Variants in RNF14 observed in about 807,000 individuals in gnomAD.
The protein encoded by RNF14 is ring finger protein 14, also known as E3 ubiquitin-protein ligase RNF14.
A neutral mutation model predicts 52.6 loss-of-function variants in RNF14; 26 were observed. The observed-to-expected ratio is 0.49, with a 90% confidence interval of 0.36 to 0.69. RNF14 has a LOEUF of 0.69. RNF14 is among the 30% of genes least tolerant of loss of function. The pLI, the probability that RNF14 is intolerant of heterozygous loss-of-function variation, is 0.00. For missense variants in RNF14, 404 were observed against 560.4 expected, an observed-to-expected ratio of 0.72 and a Z score of 2.82; for synonymous variants, 194 against 202.0, an observed-to-expected ratio of 0.96 and a Z score of 0.34.
chr5:141,977,540 T>C (rs1394011669), intron 4 of RNF14, among the ~76,000 whole-genome samples: 1 of 152,258 alleles, frequency 6.6e-6, no homozygotes, highest in African/African-American at 2.4e-5. Flanking sequence ...GCCTTTCAAA[T>C]TGAACAGACC....
At chr5:141,973,245 T>TC (rs1344611315) in intron 2 of RNF14, among the ~76,000 whole-genome samples, 6 of 151,228 alleles carry the variant, frequency 4.0e-5, no homozygotes, top group African/African-American at 9.7e-5. Context: ...TCTTTTCTTT[T>TC]TTTTTTTTTT....
intron 4 of RNF14, 103 bp downstream of exon 4, chr5:141,975,058 A>G: frequency 7.9e-7 from 1 of 1,262,328 alleles, no homozygotes. Context: ...CATGAAAAAC[A>G]AATGGCTTTG....
intron 8 of RNF14, among the ~76,000 whole-genome samples, 192 bp from the exon 9 acceptor site, chr5:141,987,541 G>C (rs1755347462): frequency 6.6e-6 from 1 of 152,038 alleles, no homozygotes; most frequent in South Asian, 2.1e-4. Flanking sequence ...CCTTAAATGG[G>C]CCATTCTTAA....
upstream of RNF14, chr5:141,955,355 C>T (rs375734807): frequency 2.5e-6 from 4 of 1,614,012 alleles, no homozygotes; most frequent in African/African-American, 1.3e-5. This position sits in a 1 kb window ranked among gnomAD's most constrained non-coding sequence, Gnocchi z 5.5. Context: ...GCCGGTGCTC[C>T]CTGGTTGCCT....
upstream of RNF14, chr5:141,956,648 G>A (rs747029579): frequency 6.2e-7 from 1 of 1,614,190 alleles, no homozygotes; most frequent in African/African-American, 1.3e-5. Context: ...GTTCTTTTCA[G>A]CCTGAAGTGG....
chr5:141,950,218 C>G, the RNF14 span, among the ~76,000 whole-genome samples: 2 of 152,144 alleles, frequency 1.3e-5, no homozygotes, highest in African/African-American at 4.8e-5. Flanking sequence ...ACCCCAGTCT[C>G]CTGCTGTCTC....
chr5:141,962,842 T>G (rs553606637), upstream of RNF14, among the ~76,000 whole-genome samples: 5 of 152,248 alleles, frequency 3.3e-5, no homozygotes, highest in African/African-American at 1.2e-4. Flanking sequence ...CTCCCCAACC[T>G]TCGAGAGGAA....
upstream of RNF14, among the ~76,000 whole-genome samples, chr5:141,964,982 T>C (rs1753310069): frequency 6.6e-6 from 1 of 151,736 alleles, no homozygotes; most frequent in Admixed American, 6.6e-5. Flanking sequence ...CACATGATAA[T>C]AGACTTTTAA....
chr5:141,956,138 C>T (rs867546656), upstream of RNF14: 9 of 1,614,170 alleles, frequency 5.6e-6, no homozygotes, highest in African/African-American at 5.3e-5. Context: ...GCTTTTCCAT[C>T]GCTGAGCACA....
At chr5:141,986,619 GTT>G (rs1297577861) in intron 8 of RNF14, among the ~76,000 whole-genome samples, 1 of 152,168 alleles carries the variant, frequency 6.6e-6, no homozygotes, top group African/African-American at 2.4e-5. Flanking sequence ...TAAAAGGACT[GTT>G]TTGTTCGTTT....
At position 141,988,091 on chromosome 5, in the gene RNF14, C is replaced by T. The variant is rs1368496956; in HGVS notation, c.*301C>T. 1.0e-5 allele frequency: 3 copies of T among 286,490 alleles called. No individual in the cohort carries two copies. The highest frequency in any genetic ancestry group is 2.0e-5 in the Non-Finnish European group (3 of 150,338). 17.7% of individuals were successfully genotyped at this position (286,490 alleles called of 1,614,324 possible). A position where few individuals can be genotyped will look rare whatever the true frequency, so the allele number is the denominator to read the frequency against. ...AAAAATTAAATATTTATTTTCTTCC[C>T]CAAGCTTTAGGTAAGGAGAAGAGGG... On this transcript the variant is annotated 3_prime_UTR_variant, in exon 9 of 9. Transcript: ENST00000394520.
intron 1 of RNF14, chr5:141,969,419 T>G (rs533887678): frequency 6.6e-6 from 1 of 152,384 alleles, no homozygotes; most frequent in African/African-American, 2.4e-5. Context: ...CGCCCCAGGC[T>G]GGCCAGCAGC....
chr5:141,956,631 G>T (rs758860974), upstream of RNF14: 3 of 1,614,206 alleles, frequency 1.9e-6, no homozygotes, highest in Non-Finnish European at 2.5e-6. Context: ...TGTATGTGTT[G>T]CCATTAGTTC....
chr5:141,966,461 GT>G (rs1753351850), upstream of RNF14, among the ~76,000 whole-genome samples: 1 of 152,108 alleles, frequency 6.6e-6, no homozygotes, highest in Non-Finnish European at 1.5e-5. Flanking sequence ...TTTCTCTTCT[GT>G]CAAGTGGGCA....
At chr5:141,949,727 T>C in the RNF14 span, 1 of 847,692 alleles carries the variant, frequency 1.2e-6, no homozygotes, top group Non-Finnish European at 1.8e-6. Flanking sequence ...ACCTGGATCA[T>C]GTGATTCCCG....
chr5:141,949,634 C>G, the RNF14 span: 1 of 1,576,930 alleles, frequency 6.3e-7, no homozygotes, highest in Non-Finnish European at 8.6e-7. Flanking sequence ...CATATAGATT[C>G]ATTCATTCAT....
At chr5:141,979,068 T>G (rs763983448) in intron 5 of RNF14, among the ~76,000 whole-genome samples, 5 of 152,218 alleles carry the variant, frequency 3.3e-5, no homozygotes, top group Non-Finnish European at 7.3e-5. Context: ...TATTAAGTAA[T>G]TGTGATAATT....
Position 141,970,900 on chromosome 5 carries a change from AC to A in RNF14, c.-7+24del, listed in dbSNP as rs1226716492. ...CAGGTACTAACTGACCTCAAGTAGAACATGTAATTGTGTCTTAGATAGGGAT... is the reference window on the plus strand; with the variant it reads ...CAGGTACTAACTGACCTCAAGTAGAAATGTAATTGTGTCTTAGATAGGGAT... On this transcript the variant is annotated intron_variant, in intron 2 of 8. Transcript: ENST00000394520. 2.6e-5 allele frequency: 4 copies of A among 152,464 alleles called. No individual in the cohort carries two copies. The East Asian group carries it at 7.5e-4, about 29-fold the overall frequency. 9.4% of individuals were successfully genotyped at this position (152,464 alleles called of 1,614,324 possible).
rs1754984539 is a variant in RNF14 at position 141,983,691 on chromosome 5, A to G, written c.1236+139A>G. On this transcript the variant is annotated intron_variant, in intron 7 of 8. Coordinates refer to ENST00000394520, the MANE Select transcript of RNF14 (RefSeq NM_004290.5). ...ACACCTTCTTACGTGGAAGGTGGAA[A>G]TTTCACTATTAGATCTTGTTATCGA... 5 of 700,576 alleles carry G rather than the reference A, an allele frequency of 7.1e-6. No homozygotes were observed. In the South Asian group the frequency reaches 1.2e-4, roughly 16 times the overall value. The allele number at this position is 700,576 out of a possible 1,614,324, so 43.4% of individuals were successfully genotyped here. A position where few individuals can be genotyped will look rare whatever the true frequency, so the allele number is the denominator to read the frequency against.
Sources: gnomAD v4.1 joint callset for allele counts (sites outside exome capture counted in the v4.1 genomes callset) on GRCh38, gnomAD v4.1.1 for gene constraint, Gnocchi (gnomAD v3.1) non-coding constraint, MANE v1.5 for transcripts, NCBI Gene and HGNC (gene_info 2026-07-23, HGNC 2026-07-21) for gene names.